INSIG1: variants seen among roughly 807,000 people sequenced by gnomAD.
INSIG1 encodes insulin induced gene 1.
INSIG1 carries 14 observed loss-of-function variants against 26.5 expected under a neutral mutation model. The ratio of observed to expected loss-of-function variants is 0.53; its 90% CI spans 0.35 to 0.83. INSIG1 has a LOEUF of 0.83. INSIG1 is among the 40% of genes least tolerant of loss of function. The pLI is 0.01. For missense variants in INSIG1, 272 were observed against 368.9 expected (o/e 0.74, Z 2.15); for synonymous variants, 147 against 153.3 (o/e 0.96, Z 0.30).
chr7:155,303,971 C>A, intron 5 of INSIG1: 1 of 467,254 alleles, frequency 2.1e-6, no homozygotes, highest in Non-Finnish European at 3.2e-6. Context: ...AAGGACTTTG[C>A]TTGCCTTTTT....
Position 155,298,366 on chromosome 7 carries a change from C to T in INSIG1, c.81C>T (p.Ala27=). The T allele has an allele frequency of 6.6e-7, 1 of 1,523,450 alleles. No homozygotes were observed. The highest frequency in any genetic ancestry group is 8.8e-7 in the Non-Finnish European group (1 of 1,142,564). The allele number at this position is 1,523,450 out of a possible 1,614,324, so 94.4% of individuals were successfully genotyped here. The change falls in exon 2 of 6, where the codon GCC becomes GCT. Residue 27 remains alanine (A), a synonymous_variant. Transcript: ENST00000340368. ...ARRRGPPRAS[A]AGLAAKVGEM... ...GCCGAGGCCCCCCGCGAGCCAGCGC[C>T]GCGGGGCTGGCGGCCAAGGTTGGGG... is the stretch of plus-strand genomic sequence containing the variant.
chr7:155,304,243 C>T (rs776725366), intron 5 of INSIG1, among the ~76,000 whole-genome samples: 4 of 152,212 alleles, frequency 2.6e-5, no homozygotes, highest in African/African-American at 9.6e-5. Flanking sequence ...GGATTATAGG[C>T]GTGAGCCTGG....
In INSIG1 at chr7:155,302,701, C is replaced by A; in HGVS notation, c.705-46C>A. On this transcript the variant is annotated intron_variant, in intron 4 of 5. Transcript: ENST00000340368. This position sits in a 1 kb window ranked among gnomAD's most constrained non-coding sequence, Gnocchi z 4.3. Reference sequence around the variant, plus strand: ...AGAGAATCTGTGATGTAGAATTGAGCCAGGTGAAATTGACTGCTAAGGTAC... The same window carrying A: ...AGAGAATCTGTGATGTAGAATTGAGACAGGTGAAATTGACTGCTAAGGTAC... 2 of 1,281,644 alleles carry A rather than the reference C, an allele frequency of 1.6e-6. No homozygotes were observed. Among genetic ancestry groups the A allele is most frequent in the South Asian group, 1.2e-5 (1 of 83,668 alleles). The allele number at this position is 1,281,644 out of a possible 1,614,324, so 79.4% of individuals were successfully genotyped here. A position where few individuals can be genotyped will look rare whatever the true frequency, so the allele number is the denominator to read the frequency against.
intron 5 of INSIG1, among the ~76,000 whole-genome samples, chr7:155,303,472 C>A (rs990763108): frequency 1.3e-5 from 2 of 152,210 alleles, no homozygotes; most frequent in Non-Finnish European, 2.9e-5. Flanking sequence ...GGCCGGGTCA[C>A]CATGTAGACG....
At chr7:155,304,565 T>A (rs1185193075) in intron 5 of INSIG1, among the ~76,000 whole-genome samples, 1 of 152,236 alleles carries the variant, frequency 6.6e-6, no homozygotes, top group Non-Finnish European at 1.5e-5. Context: ...GCTTTTTAAA[T>A]CGGTTTTAAG....
In INSIG1 at chr7:155,309,020, T is replaced by G. The variant is rs1323452398; in HGVS notation, c.*750T>G. 1 of 152,676 alleles carries G rather than the reference T, an allele frequency of 6.5e-6. No individual in the cohort carries two copies. The highest frequency in any genetic ancestry group is 2.4e-5 in the African/African-American group (1 of 41,472). 9.5% of individuals were successfully genotyped at this position (152,676 alleles called of 1,614,324 possible). On this transcript the variant is annotated 3_prime_UTR_variant, in exon 6 of 6. Coordinates refer to ENST00000340368, the MANE Select transcript of INSIG1 (RefSeq NM_005542.6). ...TCAGTTTATGAAGTTTATTTCGAAA[T>G]CCATAGTCATCTAAGAATGAATACC...
intron 2 of INSIG1, 51 bp from the exon 3 acceptor site, chr7:155,301,515 T>C (rs1414695155): frequency 6.4e-7 from 1 of 1,554,978 alleles, no homozygotes; most frequent in Non-Finnish European, 8.8e-7. Flanking sequence ...ACGTTGAAAT[T>C]CTGGAACTTG....
chr7:155,300,339 A>T (rs1295470947), intron 2 of INSIG1, among the ~76,000 whole-genome samples: 1 of 152,120 alleles, frequency 6.6e-6, no homozygotes, highest in Non-Finnish European at 1.5e-5. Context: ...TTACCTATTT[A>T]TTTATTAAGC....
chr7:155,300,771 T>C (rs1435989824), intron 2 of INSIG1, among the ~76,000 whole-genome samples: 1 of 152,240 alleles, frequency 6.6e-6, no homozygotes, highest in Non-Finnish European at 1.5e-5. Flanking sequence ...ATAATCCTTA[T>C]AATTTTACAC....
At chr7:155,303,483 G>C (rs9719997) in intron 5 of INSIG1, among the ~76,000 whole-genome samples, 49,726 of 152,076 alleles carry the variant, frequency 0.33, 8,295 homozygotes, top group Admixed American at 0.39. Context: ...CATGTAGACG[G>C]ACTGTCCTGC....
intron 2 of INSIG1, among the ~76,000 whole-genome samples, chr7:155,301,332 C>T (rs9768378): frequency 0.5 from 75,571 of 151,988 alleles, 18,861 homozygotes; most frequent in African/African-American, 0.57. Flanking sequence ...TTTACTGAGA[C>T]ATGTTCAACT....
In INSIG1 at chr7:155,302,275, C is replaced by T; in HGVS notation, c.562C>T (p.Gln188Ter). The change falls in exon 4 of 6, where the codon CAG becomes TAG. Residue 188 changes from glutamine (Q) to a stop codon, truncating the protein, a stop_gained. Transcript: ENST00000340368. LOFTEE classifies it high-confidence loss of function. This position sits in a 1 kb window ranked among gnomAD's most constrained non-coding sequence, Gnocchi z 4.3. ...SAKLDFANNV[Q>*]LSLTLAALSL... is the part of the protein sequence containing the mutation. ...GAAATTGGATTTTGCCAATAATGTCCAGCTGTCCTTGACTTTAGCAGCCCT... is the reference window on the plus strand; with the variant it reads ...GAAATTGGATTTTGCCAATAATGTCTAGCTGTCCTTGACTTTAGCAGCCCT... 1.3e-6 allele frequency: 2 copies of T among 1,583,200 alleles called. No homozygotes were observed. The highest frequency in any genetic ancestry group is 1.7e-6 in the Non-Finnish European group (2 of 1,167,298).
In INSIG1 at chr7:155,308,376, GGCTGACTGTAC is replaced by G; in HGVS notation, c.*107_*117del. On this transcript the variant is annotated 3_prime_UTR_variant, in exon 6 of 6. Coordinates refer to ENST00000340368, the MANE Select transcript of INSIG1 (RefSeq NM_005542.6). ...TTTCTTAAGTAATCTATTTAGATCG[GGCTGACTGTAC>G]AAATGACTCCTGGAAAAAACTCTTC... The G allele has an allele frequency of 7.5e-7, 1 of 1,337,462 alleles. No individual in the cohort carries two copies. The highest frequency in any genetic ancestry group is 1.1e-6 in the Non-Finnish European group (1 of 929,858). 82.8% of individuals were successfully genotyped at this position (1,337,462 alleles called of 1,614,324 possible). A position where few individuals can be genotyped will look rare whatever the true frequency, so the allele number is the denominator to read the frequency against.
Position 155,309,987 on chromosome 7 carries a change from C to T in INSIG1, c.*1717C>T, listed in dbSNP as rs978260691. 15 of 152,536 alleles carry T rather than the reference C, an allele frequency of 9.8e-5. No homozygotes were observed. The highest frequency in any genetic ancestry group is 2.9e-4 in the African/African-American group (12 of 41,410). 9.4% of individuals were successfully genotyped at this position (152,536 alleles called of 1,614,324 possible). A position where few individuals can be genotyped will look rare whatever the true frequency, so the allele number is the denominator to read the frequency against. On this transcript the variant is annotated 3_prime_UTR_variant, in exon 6 of 6. Coordinates refer to ENST00000340368, the MANE Select transcript of INSIG1 (RefSeq NM_005542.6). ...CACAATAAGTCTTTCTCTCCGAAAC[C>T]GGAAGTAAATCTATATCTGTTAGAA...
Position 155,302,510 on chromosome 7 carries a change from T to G in INSIG1, c.704+93T>G, listed in dbSNP as rs1273033966. 8.0e-7 allele frequency: 1 copy of G among 1,249,242 alleles called. No homozygotes were observed. The highest frequency in any genetic ancestry group is 1.5e-5 in the African/African-American group (1 of 65,322). The allele number at this position is 1,249,242 out of a possible 1,614,324, so 77.4% of individuals were successfully genotyped here. A position where few individuals can be genotyped will look rare whatever the true frequency, so the allele number is the denominator to read the frequency against. ...CTTAGATATTTTCATATTTTATTTG[T>G]TTTTTATATAGAATGATACAGATTT... On this transcript the variant is annotated intron_variant, in intron 4 of 5. Coordinates refer to ENST00000340368, the MANE Select transcript of INSIG1 (RefSeq NM_005542.6). The surrounding 1 kb of genome is among the most constrained non-coding windows in gnomAD (Gnocchi z 4.3).
At chr7:155,304,616 T>G (rs1797885241) in intron 5 of INSIG1, among the ~76,000 whole-genome samples, 1 of 152,218 alleles carries the variant, frequency 6.6e-6, no homozygotes, top group Non-Finnish European at 1.5e-5. Context: ...TTTCACAACA[T>G]TCATAAGTTC....
Position 155,302,600 on chromosome 7 carries a change from G to C in INSIG1, c.705-147G>C. On this transcript the variant is annotated intron_variant, in intron 4 of 5. Coordinates refer to ENST00000340368, the MANE Select transcript of INSIG1 (RefSeq NM_005542.6). This position sits in a 1 kb window ranked among gnomAD's most constrained non-coding sequence, Gnocchi z 4.3. The stretch of plus-strand genomic sequence containing the variant: ...ATGTAACGCAAAGGAAAACCAAGTA[G>C]TAGCAGTTACAACCAAACAAATATG... 1.1e-6 allele frequency: 1 copy of C among 897,012 alleles called. No homozygotes were observed. Among genetic ancestry groups the C allele is most frequent in the Non-Finnish European group, 1.7e-6 (1 of 587,564 alleles). The allele number at this position is 897,012 out of a possible 1,614,324, so 55.6% of individuals were successfully genotyped here.
Position 155,302,938 on chromosome 7 carries a change from T to C in INSIG1, c.804+92T>C. ...TGATACATTCAAATTTGCGTTCATA[T>C]ATTCTGGTTCAGACTTGAGTGACAA... On this transcript the variant is annotated intron_variant, in intron 5 of 5. Coordinates refer to ENST00000340368, the MANE Select transcript of INSIG1 (RefSeq NM_005542.6). This position sits in a 1 kb window ranked among gnomAD's most constrained non-coding sequence, Gnocchi z 4.3. The C allele has an allele frequency of 1.1e-6, 1 of 873,116 alleles. No individual in the cohort carries two copies. Among genetic ancestry groups the C allele is most frequent in the Non-Finnish European group, 1.9e-6 (1 of 526,720 alleles). The allele number at this position is 873,116 out of a possible 1,614,324, so 54.1% of individuals were successfully genotyped here.
chr7:155,301,630 A>C lies in INSIG1; in HGVS notation c.477A>C (p.Arg159Ser). The C allele has an allele frequency of 6.2e-7, 1 of 1,611,126 alleles. No homozygotes were observed. The highest frequency in any genetic ancestry group is 8.5e-7 in the Non-Finnish European group (1 of 1,177,888). The change falls in exon 3 of 6, where the codon AGA becomes AGC. Residue 159 changes from arginine (R) to serine (S), a missense_variant. Arg to Ser is a moderately radical substitution (Grantham distance 110). This residue lies in a region of INSIG1 where 111 missense variants were observed against 189.8 expected (regional missense o/e 0.58). Coordinates refer to ENST00000340368, the MANE Select transcript of INSIG1 (RefSeq NM_005542.6). ...SHLGEPHKFK[R>S]EWASVMRCIA... ...TCGGAGAACCCCACAAATTTAAGAG[A>C]GAATGGGCCAGTGTCATGCGCTGCA...
Sources: allele counts gnomAD v4.1 joint callset (sites outside exome capture counted in the v4.1 genomes callset), GRCh38; gene constraint gnomAD v4.1.1; regional missense constraint gnomAD v4.1.1; non-coding constraint Gnocchi (gnomAD v3.1); transcripts MANE v1.5; gene names NCBI Gene and HGNC (gene_info 2026-07-23, HGNC 2026-07-21).